GOT2: variants seen among roughly 807,000 people sequenced by gnomAD.
The protein encoded by GOT2 is glutamic-oxaloacetic transaminase 2, also known as aspartate aminotransferase, mitochondrial.
GOT2 carries 17 observed loss-of-function variants against 50.0 expected under a neutral mutation model. The ratio of observed to expected loss-of-function variants is 0.34; its 90% CI spans 0.23 to 0.51. The LOEUF (loss-of-function observed/expected upper bound fraction) is 0.51, where lower values mean the gene tolerates loss of function less well. GOT2 is among the 20% of genes least tolerant of loss of function. GOT2 has a pLI of 0.97. For missense variants in GOT2, 430 were observed against 559.6 expected, an observed-to-expected ratio of 0.77 and a Z score of 2.34; for synonymous variants, 172 against 204.9, an observed-to-expected ratio of 0.84 and a Z score of 1.37.
At chr16:58,720,724 G>A (rs976177870) in intron 3 of GOT2, among the ~76,000 whole-genome samples, 4 of 151,926 alleles carry the variant, frequency 2.6e-5, no homozygotes, top group Middle Eastern at 3.4e-3. Flanking sequence ...GACTACAGGC[G>A]TGCACCACCA....
intron 1 of GOT2, among the ~76,000 whole-genome samples, chr16:58,725,384 G>A (rs1445882974): frequency 6.6e-6 from 1 of 152,070 alleles, no homozygotes; most frequent in African/African-American, 2.4e-5. Flanking sequence ...CAAAGTGCTG[G>A]GATTACAGGC....
rs564204582 is a variant in GOT2 at position 58,720,746 on chromosome 16, T to G, written c.375+1404A>C. On this transcript the variant is annotated intron_variant, in intron 3 of 9. Coordinates refer to ENST00000245206, the MANE Select transcript of GOT2 (RefSeq NM_002080.4). ...GGCGTGCACCACCACACCTGGCTAA[T>G]TTTTGTATTTTTAGTAGAGACGGGG... 3.3e-5 allele frequency among the ~76,000 whole-genome samples: 5 copies of G among 151,718 alleles called. No homozygotes were observed. In the South Asian group the frequency reaches 8.3e-4, roughly 25 times the overall value.
intron 1 of GOT2, among the ~76,000 whole-genome samples, chr16:58,727,139 G>GCAAGACTCCGTCT (rs2044793174): frequency 6.6e-6 from 1 of 152,128 alleles, no homozygotes; most frequent in African/African-American, 2.4e-5. Flanking sequence ...GGGCAATAGA[G>GCAAGACTCCGTCT]CAAGACTCCG....
intron 1 of GOT2, among the ~76,000 whole-genome samples, chr16:58,724,959 C>T (rs975624078): frequency 2.0e-5 from 3 of 152,190 alleles, no homozygotes; most frequent in Admixed American, 1.3e-4. Context: ...AGCTCCTCTT[C>T]GCTGTGACAA....
chr16:58,728,713 C>T (rs1044674190), intron 1 of GOT2, among the ~76,000 whole-genome samples: 16 of 152,222 alleles, frequency 1.1e-4, no homozygotes, highest in Non-Finnish European at 2.4e-4. Context: ...CAGAGTCTCA[C>T]TGGGTTGCCC....
intron 6 of GOT2, among the ~76,000 whole-genome samples, 190 bp downstream of exon 6, chr16:58,718,006 T>C (rs558410235): frequency 6.6e-6 from 1 of 152,328 alleles, no homozygotes; most frequent in East Asian, 1.9e-4. Flanking sequence ...TACTTTCAAA[T>C]ACTCATGCGT....
Position 58,716,189 on chromosome 16 carries a change from A to G in GOT2, c.854-10T>C. 6.2e-7 allele frequency: 1 copy of G among 1,612,032 alleles called. No individual in the cohort carries two copies. ...GCTCCTACACGCTCACCTGAAAGACAAAAATGGATCTCGTCTTCTACTTCT... is the reference window on the plus strand; with the variant it reads ...GCTCCTACACGCTCACCTGAAAGACGAAAATGGATCTCGTCTTCTACTTCT... On this transcript the variant is annotated splice_polypyrimidine_tract_variant and intron_variant, in intron 7 of 9. Coordinates refer to ENST00000245206, the MANE Select transcript of GOT2 (RefSeq NM_002080.4).
chr16:58,719,165 A>T, intron 4 of GOT2, 31 bp downstream of exon 4: 1 of 1,522,926 alleles, frequency 6.6e-7, no homozygotes, highest in Non-Finnish European at 9.1e-7. Flanking sequence ...TGGAATTTAT[A>T]ATTCTTTCCT....
At chr16:58,716,608 C>A in intron 7 of GOT2, 55 bp downstream of exon 7, 1 of 1,503,144 alleles carries the variant, frequency 6.7e-7, no homozygotes, top group Admixed American at 1.7e-5. Flanking sequence ...TCTATGCCCT[C>A]GTGGCATTCT....
At position 58,722,294 on chromosome 16, in the gene GOT2, T is replaced by TA; in HGVS notation, c.247-17dup. ...GGGCCTCTGCCTAGACAAGAGAAAA[T>TA]ACATCCATTGAATTTCTTCTCCTTA... On this transcript the variant is annotated splice_polypyrimidine_tract_variant and intron_variant, in intron 2 of 9. Coordinates refer to ENST00000245206, the MANE Select transcript of GOT2 (RefSeq NM_002080.4). The TA allele has an allele frequency of 6.2e-7, 1 of 1,611,484 alleles. No individual in the cohort carries two copies. The highest frequency in any genetic ancestry group is 8.5e-7 in the Non-Finnish European group (1 of 1,177,810).
At chr16:58,726,483 CTTTATTTATTTA>C (rs56257846) in intron 1 of GOT2, among the ~76,000 whole-genome samples, 1 of 144,668 alleles carries the variant, frequency 6.9e-6, no homozygotes, top group Non-Finnish European at 1.5e-5. Flanking sequence ...CCCCGGCCTG[CTTTATTTATTTA>C]TTTATTTATT....
At position 58,709,596 on chromosome 16, in the gene GOT2, T is replaced by G. The variant is rs141427176; in HGVS notation, c.1020-29A>C. The stretch of plus-strand genomic sequence containing the variant: ...TAAAGAAACCCTGAGATGCAGCTCA[T>G]TCTGCCTAAGCACTGACCGATATGC... On this transcript the variant is annotated intron_variant, in intron 8 of 9. Transcript: ENST00000245206. The G allele has an allele frequency of 8.6e-3, 13,718 of 1,598,918 alleles. 95 individuals are homozygous for G. Among genetic ancestry groups the G allele is most frequent in the Middle Eastern group, 0.051 (305 of 6,018 alleles).
At chr16:58,719,116 C>T (rs1292890242) in intron 4 of GOT2, 80 bp downstream of exon 4, 1 of 986,218 alleles carries the variant, frequency 1.0e-6, no homozygotes, top group Non-Finnish European at 1.6e-6. Flanking sequence ...ACTTCTGCAT[C>T]AACAGTCAAA....
chr16:58,727,570 T>A (rs901930204), intron 1 of GOT2, among the ~76,000 whole-genome samples: 3 of 152,174 alleles, frequency 2.0e-5, no homozygotes, highest in Non-Finnish European at 4.4e-5. Context: ...AGCAGAGATC[T>A]GCACGTAATG....
intron 7 of GOT2, 126 bp from the exon 8 acceptor site, chr16:58,716,305 T>C (rs1313624488): frequency 2.1e-6 from 2 of 949,136 alleles, no homozygotes; most frequent in Non-Finnish European, 3.1e-6. Context: ...TTATTATAAA[T>C]AAAAAGCTTT....
chr16:58,711,172 A>G (rs1195856856), intron 8 of GOT2, among the ~76,000 whole-genome samples: 2 of 152,262 alleles, frequency 1.3e-5, no homozygotes, highest in East Asian at 3.9e-4. Context: ...ACTGAGACAT[A>G]GTCCTTGCCT....
rs376179574 is a variant in GOT2 at position 58,718,625 on chromosome 16, G to A, written c.499C>T (p.Pro167Ser). The change falls in exon 5 of 10, where the codon CCC (proline) becomes TCC (serine). Residue 167 changes from proline (P) to serine (S), a missense_variant. Physicochemically the swap from Pro to Ser is moderately conservative, Grantham distance 74. Coordinates refer to ENST00000245206, the MANE Select transcript of GOT2 (RefSeq NM_002080.4). ...TGCATGCCAGCATCCCTGAAGATGG[G>A]TGTGTGGTTTCCCCAGGTTGGTTTG... ...LPKPTWGNHT[P>S]IFRDAGMQLQ... 6.2e-7 allele frequency: 1 copy of A among 1,610,472 alleles called. No homozygotes were observed. Among genetic ancestry groups the A allele is most frequent in the Non-Finnish European group, 8.5e-7 (1 of 1,177,920 alleles).
At chr16:58,728,343 T>C (rs1180873219) in intron 1 of GOT2, among the ~76,000 whole-genome samples, 1 of 152,154 alleles carries the variant, frequency 6.6e-6, no homozygotes, top group Non-Finnish European at 1.5e-5. Context: ...ATCTGTAAAA[T>C]GGGGCCATAA....
chr16:58,708,368 CA>C (rs2044619605), intron 9 of GOT2, 75 bp from the exon 10 acceptor site: 1 of 1,379,484 alleles, frequency 7.2e-7, no homozygotes, highest in Non-Finnish European at 1.0e-6. Context: ...GCACAGTAGC[CA>C]ACTTACCAAC....
Sources: allele counts gnomAD v4.1 joint callset (sites outside exome capture counted in the v4.1 genomes callset), GRCh38; gene constraint gnomAD v4.1.1; transcripts MANE v1.5; gene names NCBI Gene and HGNC (gene_info 2026-07-23, HGNC 2026-07-21).